The following PGM2L1 variants were observed in gnomAD, a reference collection of about 807,000 sequenced individuals.
PGM2L1 encodes the protein phosphoglucomutase 2 like 1.
In PGM2L1, 35 loss-of-function variants were observed where a neutral mutation model predicts 73.4. The ratio of observed to expected loss-of-function variants is 0.48; its 90% confidence interval spans 0.36 to 0.63. The LOEUF is 0.63. Among genes scored for constraint, PGM2L1 ranks in the 30% least tolerant of loss-of-function variants. PGM2L1 has a pLI of 0.00. For synonymous variants in PGM2L1, 225 were observed against 253.8 expected, an observed-to-expected ratio of 0.89 and a Z score of 1.08; for missense variants, 570 against 742.0, an observed-to-expected ratio of 0.77 and a Z score of 2.69.
intron 13 of PGM2L1, among the ~76,000 whole-genome samples, chr11:74,337,565 C>T (rs1403645813): frequency 1.3e-5 from 2 of 152,170 alleles, no homozygotes; most frequent in African/African-American, 4.8e-5. Context: ...TTATAGGAGA[C>T]AGTACTTTTA....
chr11:74,362,788 G>A (rs924679281), intron 5 of PGM2L1, among the ~76,000 whole-genome samples: 1 of 152,108 alleles, frequency 6.6e-6, no homozygotes, highest in Non-Finnish European at 1.5e-5. Flanking sequence ...CAATAATAAT[G>A]GGAGACTTTA....
At chr11:74,368,638 G>T in intron 4 of PGM2L1, 63 bp from the exon 5 acceptor site, 1 of 1,299,460 alleles carries the variant, frequency 7.7e-7, no homozygotes, top group Non-Finnish European at 1.1e-6. Context: ...TTTGACATGA[G>T]AATAATTTTG....
chr11:74,354,934 T>A lies in PGM2L1; in HGVS notation c.556-3358A>T, dbSNP rs576980985. On this transcript the variant is annotated intron_variant, in intron 5 of 13. Coordinates refer to ENST00000298198, the MANE Select transcript of PGM2L1 (RefSeq NM_173582.6). Reference sequence around the variant, plus strand: ...CATGACTCTGTGGATAAGACTGTCATTCAGAAATACCACACTGTGAATGGC... The same window carrying A: ...CATGACTCTGTGGATAAGACTGTCAATCAGAAATACCACACTGTGAATGGC... 32 of 921,330 alleles carry A rather than the reference T, an allele frequency of 3.5e-5. No homozygotes were observed. In the Middle Eastern group the frequency reaches 9.7e-4, roughly 28 times the overall value. The allele number at this position is 921,330 out of a possible 1,614,324, so 57.1% of individuals were successfully genotyped here.
intron 1 of PGM2L1, among the ~76,000 whole-genome samples, chr11:74,376,022 T>C (rs970736234): frequency 6.6e-6 from 1 of 152,190 alleles, no homozygotes; most frequent in African/African-American, 2.4e-5. Context: ...TACATAGCAC[T>C]GTAATACCCT....
At chr11:74,364,299 T>A (rs1862616671) in intron 5 of PGM2L1, among the ~76,000 whole-genome samples, 1 of 152,144 alleles carries the variant, frequency 6.6e-6, no homozygotes, top group Admixed American at 6.5e-5. Context: ...CTTTGAAAAC[T>A]GGCACAAGAC....
chr11:74,397,539 T>C lies in PGM2L1; in HGVS notation c.111+512A>G, dbSNP rs35808971. The C allele has an allele frequency of 4.3e-4, 66 of 152,436 alleles. 1 individual carries two copies. The highest frequency in any genetic ancestry group is 8.2e-4 in the Non-Finnish European group (56 of 68,230). 9.4% of individuals were successfully genotyped at this position (152,436 alleles called of 1,614,324 possible). ...TGCCTTTCCCAACAGCAAAAGGTGA[T>C]ACTAGACAATACCAGGGAGTGATAA... On this transcript the variant is annotated intron_variant, in intron 1 of 13. Transcript: ENST00000298198.
chr11:74,374,830 G>A (rs1028411578), intron 1 of PGM2L1, among the ~76,000 whole-genome samples: 3 of 152,124 alleles, frequency 2.0e-5, no homozygotes, highest in African/African-American at 7.2e-5. Flanking sequence ...ATCAAAGAAT[G>A]TTCTTTTAAA....
chr11:74,342,314 G>A (rs1862195043), intron 12 of PGM2L1, 147 bp downstream of exon 12: 5 of 629,168 alleles, frequency 7.9e-6, no homozygotes, highest in African/African-American at 3.8e-5. Flanking sequence ...CCATCTGGCT[G>A]TTCCAGAATT....
chr11:74,360,574 G>A (rs1467407957), intron 5 of PGM2L1, among the ~76,000 whole-genome samples: 3 of 152,152 alleles, frequency 2.0e-5, no homozygotes, highest in Non-Finnish European at 4.4e-5. Context: ...GACAGTGGGT[G>A]CAGCCCATCG....
At chr11:74,363,847 C>T (rs1565440735) in intron 5 of PGM2L1, among the ~76,000 whole-genome samples, 2 of 152,166 alleles carry the variant, frequency 1.3e-5, no homozygotes, top group Admixed American at 1.3e-4. Context: ...AGGGAATCCT[C>T]CCTAACTCAT....
At chr11:74,359,564 C>CATATATATAT (rs56089033) in intron 5 of PGM2L1, among the ~76,000 whole-genome samples, 11 of 149,976 alleles carry the variant, frequency 7.3e-5, no homozygotes, top group African/African-American at 2.5e-4. Context: ...CACGTACATA[C>CATATATATAT]ATATATATAT....
intron 5 of PGM2L1, among the ~76,000 whole-genome samples, chr11:74,366,358 TAAA>T (rs779898779): frequency 4.8e-5 from 4 of 83,540 alleles, no homozygotes; most frequent in Admixed American, 2.7e-4. Context: ...ACTTAAAGTA[TAAA>T]AAAAAAAAAA....
chr11:74,371,874 T>A, intron 2 of PGM2L1, 57 bp from the exon 3 acceptor site: 1 of 1,376,282 alleles, frequency 7.3e-7, no homozygotes, highest in Non-Finnish European at 1.0e-6. Context: ...TTCATATGAC[T>A]CAGAATCTCT....
At chr11:74,379,881 T>C (rs970313907) in intron 1 of PGM2L1, among the ~76,000 whole-genome samples, 1 of 151,976 alleles carries the variant, frequency 6.6e-6, no homozygotes, top group South Asian at 2.1e-4. Context: ...GCCGAGATCA[T>C]GACATTTGCA....
intron 5 of PGM2L1, among the ~76,000 whole-genome samples, chr11:74,361,960 T>C (rs1047971603): frequency 1.4e-4 from 22 of 152,174 alleles, no homozygotes; most frequent in Admixed American, 1.4e-3. Flanking sequence ...TGGAACCAAA[T>C]TGGAAAACAC....
At chr11:74,342,783 T>A in intron 11 of PGM2L1, 102 bp downstream of exon 11, 1 of 1,406,380 alleles carries the variant, frequency 7.1e-7, no homozygotes, top group Non-Finnish European at 9.5e-7. Context: ...TTAATACTTT[T>A]TAAAAAAGGA....
At position 74,338,482 on chromosome 11, in the gene PGM2L1, C is replaced by G; in HGVS notation, c.1752G>C (p.Ala584=). The G allele has an allele frequency of 2.5e-6, 4 of 1,577,692 alleles. No individual in the cohort carries two copies. Among genetic ancestry groups the G allele is most frequent in the Non-Finnish European group, 3.5e-6 (4 of 1,153,454 alleles). Residue 584 remains alanine, a synonymous_variant, in exon 13 of 14, where the codon GCG becomes GCC. Transcript: ENST00000298198. ...TCAATTCTTACCTCTGGTCAGGTGA[C>G]GCACACATCTCTGCATAATACTTTA... ...PKIKYYAEMC[A]SPDQSDTALL...
chr11:74,370,791 T>C (rs1039843813), intron 4 of PGM2L1, 111 bp downstream of exon 4: 1 of 815,094 alleles, frequency 1.2e-6, no homozygotes, highest in African/African-American at 1.7e-5. Flanking sequence ...CATTGGTCCC[T>C]TATATTACTC....
chr11:74,381,605 G>A (rs1426339149), intron 1 of PGM2L1, among the ~76,000 whole-genome samples: 1 of 119,250 alleles, frequency 8.4e-6, no homozygotes, highest in African/African-American at 3.3e-5. Context: ...TTGAGACAGA[G>A]TCTCGTTCTG....
Sources: allele counts gnomAD v4.1 joint callset (sites outside exome capture counted in the v4.1 genomes callset), GRCh38; gene constraint gnomAD v4.1.1; transcripts MANE v1.5; gene names NCBI Gene and HGNC (gene_info 2026-07-23, HGNC 2026-07-21).